MYO19: variants seen among roughly 807,000 people sequenced by gnomAD.
The protein encoded by MYO19 is myosin XIX.
A neutral mutation model predicts 129.2 loss-of-function variants in MYO19; 132 were observed. The observed-to-expected ratio is 1.02, with a 90% CI of 0.89 to 1.18. MYO19 has a LOEUF of 1.18. MYO19 is among the 50% of genes most tolerant of loss of function. MYO19 has a pLI of 0.00. For synonymous variants in MYO19, 531 were observed against 477.2 expected (o/e 1.11, Z -1.47); for missense variants, 1,210 against 1,216.7 (o/e 0.99, Z 0.08).
At chr17:36,539,522 C>G (rs962603652), upstream of MYO19, among the ~76,000 whole-genome samples, 2 of 151,998 alleles carry the variant, frequency 1.3e-5, no homozygotes, top group African/African-American at 4.8e-5. Context: ...GCCTGTAATC[C>G]TAGCACTTTG....
At chr17:36,537,757 T>C (rs1165869015), upstream of MYO19, 3 of 1,614,058 alleles carry the variant, frequency 1.9e-6, no homozygotes, top group African/African-American at 4.0e-5. Flanking sequence ...CGATTAGCCA[T>C]TATAAAATCA....
Position 36,506,955 on chromosome 17 carries a change from G to GC in MYO19, c.1644+7dup. The GC allele has an allele frequency of 6.3e-7, 1 of 1,586,054 alleles. No homozygotes were observed. The highest frequency in any genetic ancestry group is 8.6e-7 in the Non-Finnish European group (1 of 1,160,832). On this transcript the variant is annotated splice_region_variant and intron_variant, in intron 17 of 25. Transcript: ENST00000614623. ...CGCAGGCCCCACAGGGCATGGCCCA[G>GC]CCCGTACCTTGTTCTTCTCCACCAG...
At chr17:36,527,146 A>G (rs116058169) in intron 5 of MYO19, among the ~76,000 whole-genome samples, 10,671 of 152,148 alleles carry the variant, frequency 0.07, 630 homozygotes, top group African/African-American at 0.16. Context: ...AGTCTGGGCA[A>G]TAAGACTGAA....
intron 3 of MYO19, among the ~76,000 whole-genome samples, chr17:36,530,876 C>T (rs140624626): frequency 0.011 from 1,611 of 152,218 alleles, 29 homozygotes; most frequent in African/African-American, 0.037. Context: ...CCGCCTCGAC[C>T]TCCCAAAGTA....
At chr17:36,536,803 C>T (rs1045923254), upstream of MYO19, among the ~76,000 whole-genome samples, 1 of 152,190 alleles carries the variant, frequency 6.6e-6, no homozygotes, top group African/African-American at 2.4e-5. Context: ...GTGTGAGCCA[C>T]CACGCCTGGC....
chr17:36,522,028 T>TCAAAAAAAAA (rs1567777190), intron 6 of MYO19, among the ~76,000 whole-genome samples: 2 of 115,288 alleles, frequency 1.7e-5, no homozygotes, highest in Admixed American at 9.2e-5. Flanking sequence ...AGACTGTCTT[T>TCAAAAAAAAA]AAAAAAAAAA....
At chr17:36,500,650 G>A (rs2071450617) in intron 23 of MYO19, 180 bp downstream of exon 23, 2 of 830,144 alleles carry the variant, frequency 2.4e-6, no homozygotes, top group South Asian at 4.0e-5. Flanking sequence ...GGTTTCCATT[G>A]AACTGGAGAG....
intron 23 of MYO19, chr17:36,500,382 AC>A: frequency 6.2e-6 from 1 of 160,028 alleles, no homozygotes; most frequent in East Asian, 1.8e-4. Context: ...TCTTTCCAAC[AC>A]TTTTCCTTTT....
At position 36,495,643 on chromosome 17, in the gene MYO19, T is replaced by G. The variant is rs1338702553; in HGVS notation, c.*608A>C. 5 of 1,289,236 alleles carry G rather than the reference T, an allele frequency of 3.9e-6. No homozygotes were observed. The highest frequency in any genetic ancestry group is 4.9e-6 in the Non-Finnish European group (5 of 1,021,944). The allele number at this position is 1,289,236 out of a possible 1,614,324, so 79.9% of individuals were successfully genotyped here. Reference sequence around the variant, plus strand: ...AACTTGACATTCAGATGATTGTTTTTAAATGTTTTACTTTTGGTACAGTTG... The same window carrying G: ...AACTTGACATTCAGATGATTGTTTTGAAATGTTTTACTTTTGGTACAGTTG... On this transcript the variant is annotated 3_prime_UTR_variant, in exon 26 of 26. Coordinates refer to ENST00000614623, the MANE Select transcript of MYO19 (RefSeq NM_001163735.2).
chr17:36,536,824 C>T (rs951208599), upstream of MYO19, among the ~76,000 whole-genome samples: 1 of 152,202 alleles, frequency 6.6e-6, no homozygotes, highest in Non-Finnish European at 1.5e-5. Context: ...CCCAAATTCA[C>T]TTTCTTTGTG....
chr17:36,534,364 G>A (rs973873423), intron 1 of MYO19: 23 of 152,188 alleles, frequency 1.5e-4, no homozygotes, highest in African/African-American at 5.1e-4. Flanking sequence ...GGAAGCACCT[G>A]GCACGGGGAG....
At chr17:36,512,115 C>A (rs1047934748) in intron 11 of MYO19, among the ~76,000 whole-genome samples, 3 of 151,938 alleles carry the variant, frequency 2.0e-5, no homozygotes, top group African/African-American at 7.3e-5. Flanking sequence ...CTCTGGGAGG[C>A]TGAGGCAGGT....
intron 23 of MYO19, 124 bp downstream of exon 23, chr17:36,500,706 C>T (rs1371719305): frequency 7.5e-7 from 1 of 1,342,110 alleles, no homozygotes; most frequent in Non-Finnish European, 1.0e-6. Context: ...CAGCACACCA[C>T]AGGGACATCT....
chr17:36,504,937 A>T (rs1001166047), intron 19 of MYO19: 3 of 296,318 alleles, frequency 1.0e-5, no homozygotes, highest in Non-Finnish European at 2.0e-5. Flanking sequence ...AAAAGAAAAA[A>T]ATGATACCTC....
At chr17:36,535,276 G>C (rs1567804702), upstream of MYO19, 3 of 148,994 alleles carry the variant, frequency 2.0e-5, no homozygotes, top group Non-Finnish European at 4.4e-5. Flanking sequence ...CGTGAGGTCT[G>C]AGGGGCCGTG....
At chr17:36,502,518 A>G (rs2071603598) in intron 21 of MYO19, among the ~76,000 whole-genome samples, 1 of 151,966 alleles carries the variant, frequency 6.6e-6, no homozygotes, top group African/African-American at 2.4e-5. Context: ...GTTTCTCTCT[A>G]TTGGGGCAAC....
At chr17:36,514,850 G>A (rs2100095013) in intron 8 of MYO19, among the ~76,000 whole-genome samples, 2 of 152,210 alleles carry the variant, frequency 1.3e-5, no homozygotes, top group Admixed American at 6.5e-5. Context: ...TGGCAATTTA[G>A]CTTGAAGTCC....
chr17:36,496,404 T>C lies in MYO19; in HGVS notation c.2760A>G (p.Gly920=). ...GVTSIRALPQ[G]SIKFHCRKSP... ...ACTTTCTGCAGTGAAACTTTATCGA[T>C]CCCTAGAGGGGAGAGAGAGATGCAG... The change falls in exon 26 of 26, where the codon GGA becomes GGG. Residue 920 remains glycine (G), a splice_region_variant and synonymous_variant. Coordinates refer to ENST00000614623, the MANE Select transcript of MYO19 (RefSeq NM_001163735.2). 1 of 1,613,898 alleles carries C rather than the reference T, an allele frequency of 6.2e-7. No individual in the cohort carries two copies. Among genetic ancestry groups the C allele is most frequent in the South Asian group, 1.1e-5 (1 of 91,080 alleles).
intron 11 of MYO19, chr17:36,512,995 G>T: frequency 1.2e-6 from 1 of 802,558 alleles, no homozygotes; most frequent in Non-Finnish European, 1.7e-6. Context: ...TCTGACCTTG[G>T]GCACGTCACT....
Sources: allele counts gnomAD v4.1 joint callset (sites outside exome capture counted in the v4.1 genomes callset), GRCh38; gene constraint gnomAD v4.1.1; transcripts MANE v1.5; gene names NCBI Gene and HGNC (gene_info 2026-07-23, HGNC 2026-07-21).